The following MTA1 variants were observed in gnomAD, a reference collection of about 807,000 sequenced individuals.
MTA1 encodes the protein metastasis-associated protein MTA1.
Under a neutral mutation model 97.0 loss-of-function variants are expected in MTA1, and 15 were observed. The ratio of observed to expected loss-of-function variants is 0.15; its 90% confidence interval spans 0.10 to 0.24. MTA1 has a LOEUF of 0.24. Among genes scored for constraint, MTA1 ranks in the 10% least tolerant of loss-of-function variants. The probability of loss-of-function intolerance (pLI) is 1.00; values close to 1 mark genes in which losing one functional copy is unlikely to be tolerated. For synonymous variants in MTA1, 435 were observed against 417.5 expected, an observed-to-expected ratio of 1.04 and a Z score of -0.51; for missense variants, 709 against 1,015.1, an observed-to-expected ratio of 0.70 and a Z score of 4.10.
intron 7 of MTA1, among the ~76,000 whole-genome samples, chr14:105,457,928 A>T (rs889439768): frequency 4.9e-4 from 74 of 150,692 alleles, no homozygotes; most frequent in South Asian, 1.3e-3. Flanking sequence ...CCGTCTCAAA[A>T]AATAATAATA....
intron 18 of MTA1, 111 bp from the exon 19 acceptor site, chr14:105,469,356 T>G: frequency 3.3e-6 from 4 of 1,230,476 alleles, no homozygotes; most frequent in Non-Finnish European, 3.6e-6. Context: ...TGTGGCTTGG[T>G]TGGCAGATGG....
chr14:105,455,985 A>AGGCCTGGCCTGTGGGTCTGAGCGTGGG (rs1567032969), intron 7 of MTA1, among the ~76,000 whole-genome samples: 1 of 145,746 alleles, frequency 6.9e-6, no homozygotes, highest in African/African-American at 2.6e-5. Context: ...CTGAGTGTGG[A>AGGCCTGGCCTGTGGGTCTGAGCGTGGG]GAGGCCGCTG....
rs782641555 is a variant in MTA1, at chr14:105,463,955, G to A, written c.1077-77G>A. 145 of 1,417,464 alleles carry A rather than the reference G, an allele frequency of 1.0e-4. No homozygotes were observed. The highest frequency in any genetic ancestry group is 1.4e-4 in the South Asian group (12 of 86,102). The allele number at this position is 1,417,464 out of a possible 1,614,324, so 87.8% of individuals were successfully genotyped here. A position where few individuals can be genotyped will look rare whatever the true frequency, so the allele number is the denominator to read the frequency against. On this transcript the variant is annotated intron_variant, in intron 12 of 20. Transcript: ENST00000331320. This position sits in a 1 kb window ranked among gnomAD's most constrained non-coding sequence, Gnocchi z 5.9. ...GGTTCTGGACAAGGGGTGGTCAGCC[G>A]CGGTGCCTGCTGGGCACATGGGCCC...
chr14:105,470,476 G>A lies in MTA1; in HGVS notation c.*261G>A. On this transcript the variant is annotated 3_prime_UTR_variant, in exon 21 of 21. Coordinates refer to ENST00000331320, the MANE Select transcript of MTA1 (RefSeq NM_004689.4). ...AGATGAGGGGCCACCCCGTGCCCCT[G>A]TGCTGCGGGGCCTTTTGCCCGGAGG... 1 of 417,676 alleles carries A rather than the reference G, an allele frequency of 2.4e-6. No homozygotes were observed. Among genetic ancestry groups the A allele is most frequent in the Admixed American group, 4.5e-5 (1 of 21,986 alleles). The allele number at this position is 417,676 out of a possible 1,614,324, so 25.9% of individuals were successfully genotyped here. A position where few individuals can be genotyped will look rare whatever the true frequency, so the allele number is the denominator to read the frequency against.
Position 105,460,989 on chromosome 14 carries a change from C to T in MTA1, c.942+36C>T, listed in dbSNP as rs78293464. On this transcript the variant is annotated intron_variant, in intron 10 of 20. Transcript: ENST00000331320. ...TGGGTGGCGATGGGGGAGTGGCTGG[C>T]CATGCCCATCTCCAGGTAGGCTGCG... The T allele has an allele frequency of 2.9e-3, 4,561 of 1,581,914 alleles. 111 individuals carry two copies. The African/African-American group carries it at 0.052, about 18-fold the overall frequency.
Position 105,470,149 on chromosome 14 carries a change from G to C in MTA1, c.2082G>C (p.Gln694His). 1 of 1,611,100 alleles carries C rather than the reference G, an allele frequency of 6.2e-7. No individual in the cohort carries two copies. The change falls in exon 21 of 21, where the codon CAG becomes CAC. Residue 694 changes from glutamine (Q) to histidine (H), a missense_variant. By Grantham distance (24) the Gln-to-His change is conservative. Coordinates refer to ENST00000331320, the MANE Select transcript of MTA1 (RefSeq NM_004689.4). ...AGCCCATCGCCCTGCGCCAGAGCCA[G>C]GCCCTGCCGCCGCGGCCACCGCCAC... ...PYKPIALRQSQALPPRPPPPA... is the reference protein window; with the variant it reads ...PYKPIALRQSHALPPRPPPPA...
At chr14:105,435,423 T>G (rs2082299656) in intron 1 of MTA1, among the ~76,000 whole-genome samples, 2 of 152,214 alleles carry the variant, frequency 1.3e-5, no homozygotes, top group African/African-American at 4.8e-5. Context: ...CAGCTGGGAC[T>G]ACAGGCACAT....
In MTA1 at chr14:105,450,048, T is replaced by A; in HGVS notation, c.242-10T>A. On this transcript the variant is annotated splice_polypyrimidine_tract_variant and intron_variant, in intron 4 of 20. Coordinates refer to ENST00000331320, the MANE Select transcript of MTA1 (RefSeq NM_004689.4). ...TGCCGCGGTGCTGACAGGGGCTCCTTGTCCTTCAGGGGAAATAGAAGAGGA... is the reference window on the plus strand; with the variant it reads ...TGCCGCGGTGCTGACAGGGGCTCCTAGTCCTTCAGGGGAAATAGAAGAGGA... 6.2e-7 allele frequency: 1 copy of A among 1,613,448 alleles called. No homozygotes were observed. The highest frequency in any genetic ancestry group is 1.7e-5 in the Admixed American group (1 of 60,016).
intron 19 of MTA1, 107 bp downstream of exon 19, chr14:105,469,605 A>G: frequency 7.2e-7 from 1 of 1,389,698 alleles, no homozygotes; most frequent in Non-Finnish European, 1.0e-6. Context: ...GGAAGCTTCC[A>G]GGAGGCCTGG....
chr14:105,441,954 G>A (rs1785363959), intron 2 of MTA1, among the ~76,000 whole-genome samples: 2 of 152,202 alleles, frequency 1.3e-5, no homozygotes, highest in African/African-American at 4.8e-5. Context: ...ACTTGGGTTA[G>A]GAGAAGTAGC....
intron 10 of MTA1, among the ~76,000 whole-genome samples, chr14:105,461,711 G>A (rs1004963228): frequency 6.6e-6 from 1 of 152,218 alleles, no homozygotes; most frequent in Non-Finnish European, 1.5e-5. Flanking sequence ...GGGTTGGGTA[G>A]GGTGCCTAGA....
Position 105,463,122 on chromosome 14 carries a change from C to T in MTA1, c.943-62C>T. The T allele has an allele frequency of 2.6e-6, 4 of 1,518,630 alleles. No homozygotes were observed. The highest frequency in any genetic ancestry group is 1.7e-4 in the Middle Eastern group (1 of 5,834). 94.1% of individuals were successfully genotyped at this position (1,518,630 alleles called of 1,614,324 possible). ...CCTTCTGGCCGCAGCCCTGCCCCTGCCTGCATGGTGTGCCTGCCTCCTGCC... is the reference window on the plus strand; with the variant it reads ...CCTTCTGGCCGCAGCCCTGCCCCTGTCTGCATGGTGTGCCTGCCTCCTGCC... On this transcript the variant is annotated intron_variant, in intron 10 of 20. Coordinates refer to ENST00000331320, the MANE Select transcript of MTA1 (RefSeq NM_004689.4). This position sits in a 1 kb window ranked among gnomAD's most constrained non-coding sequence, Gnocchi z 5.9.
chr14:105,441,661 G>A (rs1555425689), intron 2 of MTA1, among the ~76,000 whole-genome samples: 1 of 152,216 alleles, frequency 6.6e-6, no homozygotes, highest in Non-Finnish European at 1.5e-5. Context: ...GGGCGTGGTG[G>A]CGGGCGCCTG....
chr14:105,454,206 A>G lies in MTA1; in HGVS notation c.446A>G (p.Tyr149Cys). 6.2e-7 allele frequency: 1 copy of G among 1,612,314 alleles called. No individual in the cohort carries two copies. ...SYLEREDFFF[Y>C]SLVYDPQQKT... The stretch of plus-strand genomic sequence containing the variant: ...GGTGTTTTCCAGGATTTCTTCTTCT[A>G]TTCTCTAGTCTACGACCCACAGCAG... The change falls in exon 7 of 21, where the codon TAT becomes TGT. Residue 149 changes from tyrosine to cysteine, a missense_variant. Tyr to Cys is a radical substitution (Grantham distance 194, BLOSUM62 -2). Around this residue, in one of 2 missense-constraint regions of MTA1, gnomAD observed 321 missense variants for 593.5 expected, o/e 0.54. Transcript: ENST00000331320.
chr14:105,468,217 C>A, intron 18 of MTA1: 1 of 1,075,976 alleles, frequency 9.3e-7, no homozygotes, highest in Non-Finnish European at 1.3e-6. Context: ...GCGCTCTAAC[C>A]CGGCCATTTG....
rs587670286 is a variant in MTA1 at position 105,424,893 on chromosome 14, C to A, written c.28+4830C>A. Among the ~76,000 whole-genome samples the A allele has an allele frequency of 1.4e-4, 22 of 152,366 alleles. No homozygotes were observed. The South Asian group carries it at 4.6e-3, about 32-fold the overall frequency. ...TGTTGGAATATATGGTCCAATGAAG[C>A]ACATCCCTCGCGCCCGACCCGCCCT... On this transcript the variant is annotated intron_variant, in intron 1 of 20. Coordinates refer to ENST00000331320, the MANE Select transcript of MTA1 (RefSeq NM_004689.4). This position sits in a 1 kb window ranked among gnomAD's most constrained non-coding sequence, Gnocchi z 4.0.
chr14:105,420,049 T>C lies in MTA1; in HGVS notation c.14T>C (p.Met5Thr). MAANMYRVGDYVYFE... is the reference protein window; with the variant it reads MAANTYRVGDYVYFE... ...GCCGGCCCGGACATGGCCGCCAACA[T>C]GTACAGGGTCGGAGGTAAGGCCGCA... Residue 5 changes from methionine to threonine, a missense_variant, in exon 1 of 21, where the codon ATG (methionine) becomes ACG (threonine). Physicochemically the swap from Met to Thr is moderately conservative, Grantham distance 81. Transcript: ENST00000331320. This position sits in a 1 kb window ranked among gnomAD's most constrained non-coding sequence, Gnocchi z 5.3. 9.3e-7 allele frequency: 1 copy of C among 1,080,788 alleles called. No homozygotes were observed. The highest frequency in any genetic ancestry group is 1.1e-6 in the Non-Finnish European group (1 of 883,606). The allele number at this position is 1,080,788 out of a possible 1,614,324, so 66.9% of individuals were successfully genotyped here. A position where few individuals can be genotyped will look rare whatever the true frequency, so the allele number is the denominator to read the frequency against.
At position 105,420,566 on chromosome 14, in the gene MTA1, C is replaced by T. The variant is rs1460598392; in HGVS notation, c.28+503C>T. 2.0e-5 allele frequency among the ~76,000 whole-genome samples: 3 copies of T among 152,268 alleles called. No individual in the cohort carries two copies. Among genetic ancestry groups the T allele is most frequent in the African/African-American group, 7.2e-5 (3 of 41,566 alleles). On this transcript the variant is annotated intron_variant, in intron 1 of 20. Coordinates refer to ENST00000331320, the MANE Select transcript of MTA1 (RefSeq NM_004689.4). This position sits in a 1 kb window ranked among gnomAD's most constrained non-coding sequence, Gnocchi z 5.3. ...CTAGAGCCCTCCTGCAGCCTGGCCC[C>T]GGGGCTTCCCCCAGCAGGGATCCCT... is the stretch of plus-strand genomic sequence containing the variant.
At chr14:105,469,096 C>T (rs1555433633) in intron 18 of MTA1, 1 of 489,162 alleles carries the variant, frequency 2.0e-6, no homozygotes. Flanking sequence ...GGCTGCCCTG[C>T]AGAGGGGCTT....
Sources: gnomAD v4.1 joint callset for allele counts (sites outside exome capture counted in the v4.1 genomes callset) on GRCh38, gnomAD v4.1.1 for gene constraint, gnomAD v4.1.1 regional missense constraint, Gnocchi (gnomAD v3.1) non-coding constraint, MANE v1.5 for transcripts, NCBI Gene and HGNC (gene_info 2026-07-23, HGNC 2026-07-21) for gene names.